The following MRTFA variants were observed in gnomAD, a reference collection of about 807,000 sequenced individuals.
MRTFA encodes myocardin related transcription factor A, also known as myocardin-related transcription factor A.
MRTFA carries 20 observed loss-of-function variants against 83.5 expected under a neutral mutation model. The ratio of observed to expected loss-of-function variants is 0.24; its 90% CI spans 0.17 to 0.35. MRTFA has a LOEUF of 0.35. Among genes scored for constraint, MRTFA ranks in the 10% least tolerant of loss-of-function variants. The probability of loss-of-function intolerance (pLI) is 1.00; values close to 1 mark genes in which losing one functional copy is unlikely to be tolerated. For missense variants in MRTFA, 1,200 were observed against 1,224.7 expected (o/e 0.98, Z 0.30); for synonymous variants, 659 against 541.2 (o/e 1.22, Z -3.02).
chr22:40,581,534 G>A (rs2055947386), intron 2 of MRTFA, among the ~76,000 whole-genome samples: 1 of 152,084 alleles, frequency 6.6e-6, no homozygotes, highest in South Asian at 2.1e-4. Flanking sequence ...AAATTTAAGT[G>A]TGTAAAATAG....
At chr22:40,633,252 A>G (rs897007952) in intron 1 of MRTFA, among the ~76,000 whole-genome samples, 5 of 152,202 alleles carry the variant, frequency 3.3e-5, no homozygotes, top group Non-Finnish European at 5.9e-5. Flanking sequence ...GAGTAAATAT[A>G]TATTTGTTCA....
chr22:40,518,426 G>GA (rs34405567), intron 3 of MRTFA, among the ~76,000 whole-genome samples: 63,672 of 145,368 alleles, frequency 0.44, 14,264 homozygotes, highest in East Asian at 0.87. Flanking sequence ...GTTGGTGAGG[G>GA]AAAAAAAAAA....
rs552980884 is a variant in MRTFA at position 40,424,757 on chromosome 22, T to G, written c.602-376A>C. Among the ~76,000 whole-genome samples the G allele has an allele frequency of 2.2e-4, 33 of 152,316 alleles. No homozygotes were observed. The East Asian group carries it at 6.4e-3, about 29-fold the overall frequency. On this transcript the variant is annotated intron_variant, in intron 7 of 14. Transcript: ENST00000355630. ...CCTTTCTACCTCAACCGTCTCCCTA[T>G]TGTTAAAGGTACTCTGTATCTTCAT...
At chr22:40,618,992 A>AATAT (rs753350588) in intron 1 of MRTFA, among the ~76,000 whole-genome samples, 4 of 149,108 alleles carry the variant, frequency 2.7e-5, no homozygotes, top group African/African-American at 9.8e-5. Flanking sequence ...AATAATTAAA[A>AATAT]ATATATATAT....
At chr22:40,570,011 T>C (rs1377934514) in intron 2 of MRTFA, 1 of 152,532 alleles carries the variant, frequency 6.6e-6, no homozygotes, top group African/African-American at 2.4e-5. Context: ...AAAAATTCAC[T>C]GGAAAAGTGA....
chr22:40,600,109 G>C (rs886848603), intron 1 of MRTFA, among the ~76,000 whole-genome samples: 15 of 151,558 alleles, frequency 9.9e-5, no homozygotes, highest in African/African-American at 3.6e-4. Flanking sequence ...CACCTCAACA[G>C]ATATTGTTAC....
chr22:40,580,072 T>C (rs1569337998), intron 2 of MRTFA, among the ~76,000 whole-genome samples: 1 of 152,210 alleles, frequency 6.6e-6, no homozygotes, highest in Non-Finnish European at 1.5e-5. Flanking sequence ...CCACATTCAT[T>C]GTACTTCTTC....
intron 3 of MRTFA, among the ~76,000 whole-genome samples, chr22:40,551,349 T>C (rs1285362165): frequency 6.6e-6 from 1 of 152,076 alleles, no homozygotes; most frequent in Non-Finnish European, 1.5e-5. Flanking sequence ...AAGAAATTTA[T>C]TCACTTATTT....
intron 3 of MRTFA, among the ~76,000 whole-genome samples, chr22:40,550,048 CAAAAAAAAA>C (rs3044559): frequency 3.1e-5 from 4 of 130,310 alleles, no homozygotes; most frequent in Admixed American, 7.7e-5. Flanking sequence ...GACTCTGTTG[CAAAAAAAAA>C]AAAAAAAAAA....
chr22:40,529,977 CAGAG>C (rs1162943201), intron 3 of MRTFA, among the ~76,000 whole-genome samples: 1 of 152,066 alleles, frequency 6.6e-6, no homozygotes, highest in Non-Finnish European at 1.5e-5. Context: ...ATGCACAAGA[CAGAG>C]AGAGAAAAAA....
chr22:40,462,750 G>C (rs1474520593), intron 4 of MRTFA, among the ~76,000 whole-genome samples: 1 of 152,166 alleles, frequency 6.6e-6, no homozygotes, highest in East Asian at 1.9e-4. Context: ...GCCAGCCTTA[G>C]AGTATCTCAG....
At chr22:40,500,265 G>C (rs1214356211) in intron 3 of MRTFA, among the ~76,000 whole-genome samples, 1 of 149,996 alleles carries the variant, frequency 6.7e-6, no homozygotes, top group Admixed American at 6.6e-5. Context: ...CTTCATTAAA[G>C]TAAAAGTCTA....
At chr22:40,537,014 G>T (rs1196059258) in intron 3 of MRTFA, among the ~76,000 whole-genome samples, 1 of 67,686 alleles carries the variant, frequency 1.5e-5, no homozygotes, top group Non-Finnish European at 2.9e-5. Context: ...GAGGGAGGTG[G>T]GGGGGGGTCA....
rs202102553 is a variant in MRTFA, at chr22:40,538,421, C to G, written c.241+13685G>C. On this transcript the variant is annotated intron_variant, in intron 3 of 14. Coordinates refer to ENST00000355630, the MANE Select transcript of MRTFA (RefSeq NM_020831.6). ...CCCTAATCTCAAGCAATCAGGGACA[C>G]AAACACTGCAGAAGGCCGCAGGGTC... 2.0e-5 allele frequency among the ~76,000 whole-genome samples: 3 copies of G among 150,910 alleles called. No individual in the cohort carries two copies. The East Asian group carries it at 5.8e-4, about 29-fold the overall frequency.
At chr22:40,412,708 G>C (rs1189697686) in intron 14 of MRTFA, 1 of 152,166 alleles carries the variant, frequency 6.6e-6, no homozygotes, top group Non-Finnish European at 1.5e-5. Flanking sequence ...TGGCGGAAGG[G>C]CCAAATGGGA....
At chr22:40,420,743 C>CG (rs1379756867) in intron 10 of MRTFA, 104 bp downstream of exon 10, 2 of 1,559,744 alleles carry the variant, frequency 1.3e-6, no homozygotes, top group East Asian at 4.5e-5. Context: ...TCCAGACCAG[C>CG]GGGTCCTTAA....
intron 11 of MRTFA, 141 bp from the exon 12 acceptor site, chr22:40,419,525 T>G: frequency 1.4e-6 from 1 of 710,796 alleles, no homozygotes; most frequent in Non-Finnish European, 2.4e-6. Flanking sequence ...GAGGGTGCAA[T>G]GCCCCCCACC....
intron 4 of MRTFA, among the ~76,000 whole-genome samples, chr22:40,453,057 C>T (rs1017325465): frequency 3.3e-5 from 5 of 152,110 alleles, no homozygotes; most frequent in African/African-American, 1.2e-4. Flanking sequence ...ACAAATGCAA[C>T]GTAAAATGCC....
chr22:40,531,670 A>G (rs2055084790), intron 3 of MRTFA, among the ~76,000 whole-genome samples: 2 of 152,282 alleles, frequency 1.3e-5, no homozygotes, highest in South Asian at 4.1e-4. Context: ...ATGTTTATCT[A>G]CTGATAAAGC....
Sources: gnomAD v4.1 joint callset for allele counts (sites outside exome capture counted in the v4.1 genomes callset) on GRCh38, gnomAD v4.1.1 for gene constraint, MANE v1.5 for transcripts, NCBI Gene and HGNC (gene_info 2026-07-23, HGNC 2026-07-21) for gene names.